PCDHGB2: variants seen among roughly 807,000 people sequenced by gnomAD.
The protein encoded by PCDHGB2 is protocadherin gamma subfamily B, 2.
In PCDHGB2, 55 loss-of-function variants were observed where a neutral mutation model predicts 59.3. The ratio of observed to expected loss-of-function variants is 0.93; its 90% CI spans 0.75 to 1.16. PCDHGB2 has a LOEUF of 1.16. PCDHGB2 is among the 50% of genes most tolerant of loss of function. The probability of loss-of-function intolerance (pLI) is 0.00; values close to 1 mark genes in which losing one functional copy is unlikely to be tolerated. For synonymous variants in PCDHGB2, 516 were observed against 512.0 expected, an observed-to-expected ratio of 1.01 and a Z score of -0.11; for missense variants, 1,228 against 1,198.5, an observed-to-expected ratio of 1.02 and a Z score of -0.36.
chr5:141,429,896 A>G (rs1307950556), intron 1 of PCDHGB2, among the ~76,000 whole-genome samples: 1 of 152,346 alleles, frequency 6.6e-6, no homozygotes, highest in South Asian at 2.1e-4. Flanking sequence ...TGAACAATAA[A>G]TATTTTTGAA....
intron 1 of PCDHGB2, chr5:141,366,088 C>T (rs752144187): frequency 3.1e-6 from 5 of 1,614,256 alleles, no homozygotes; most frequent in Non-Finnish European, 4.2e-6. Context: ...AACCTGGCTA[C>T]CTGGTGACCA....
intron 1 of PCDHGB2, chr5:141,365,072 A>G: frequency 6.2e-7 from 1 of 1,613,904 alleles, no homozygotes; most frequent in Middle Eastern, 1.6e-4. Context: ...ATCCGAGTAC[A>G]GCGTGAGTGT....
Position 141,366,618 on chromosome 5 carries a change from C to T in PCDHGB2, c.2421+4062C>T, listed in dbSNP as rs781279706. Reference sequence around the variant, plus strand: ...CACGAGGTCTCCCTCACCGCGGACTCGAGGAAGAGTCACCTGATCTTTCCC... The same window carrying T: ...CACGAGGTCTCCCTCACCGCGGACTTGAGGAAGAGTCACCTGATCTTTCCC... On this transcript the variant is annotated intron_variant, in intron 1 of 3. Coordinates refer to ENST00000522605, the MANE Select transcript of PCDHGB2 (RefSeq NM_018923.3). 7.4e-6 allele frequency: 12 copies of T among 1,614,114 alleles called. No homozygotes were observed. Among genetic ancestry groups the T allele is most frequent in the Non-Finnish European group, 1.0e-5 (12 of 1,180,056 alleles).
Position 141,485,447 on chromosome 5 carries a change from C to G in PCDHGB2, c.2422-9360C>G, listed in dbSNP as rs1233800346. 6.2e-7 allele frequency: 1 copy of G among 1,614,144 alleles called. No individual in the cohort carries two copies. The highest frequency in any genetic ancestry group is 8.5e-7 in the Non-Finnish European group (1 of 1,180,036). On this transcript the variant is annotated intron_variant, in intron 1 of 3. Transcript: ENST00000522605. This position sits in a 1 kb window ranked among gnomAD's most constrained non-coding sequence, Gnocchi z 5.7. ...CCTGCTCATCAAGAACCCAATCGAC[C>G]GAGAGGCACTGTGTGGGCTCAGTGC... is the stretch of plus-strand genomic sequence containing the variant.
intron 1 of PCDHGB2, chr5:141,423,692 G>T: frequency 7.1e-7 from 1 of 1,405,756 alleles, no homozygotes; most frequent in Non-Finnish European, 9.4e-7. Context: ...CCTAATTGTT[G>T]GTGTCTTGGC....
At chr5:141,403,334 G>T (rs2094392979) in intron 1 of PCDHGB2, 2 of 1,613,972 alleles carry the variant, frequency 1.2e-6, no homozygotes, top group Non-Finnish European at 1.7e-6. Flanking sequence ...TGATATTAAC[G>T]ACAGCGCCCC....
chr5:141,408,249 T>A, intron 1 of PCDHGB2: 1 of 1,589,992 alleles, frequency 6.3e-7, no homozygotes, highest in Non-Finnish European at 8.6e-7. Flanking sequence ...CCGCGGCAGG[T>A]GCTATTTCCT....
intron 3 of PCDHGB2, among the ~76,000 whole-genome samples, chr5:141,506,781 T>C (rs965408564): frequency 1.4e-4 from 22 of 152,168 alleles, no homozygotes; most frequent in African/African-American, 5.3e-4. Context: ...CCTGGGCTTA[T>C]AAGGAGGCTG....
At chr5:141,469,362 G>C (rs915161729) in intron 1 of PCDHGB2, among the ~76,000 whole-genome samples, 14 of 152,084 alleles carry the variant, frequency 9.2e-5, no homozygotes, top group Non-Finnish European at 7.4e-5. Flanking sequence ...GGATCATGAG[G>C]TAAAGAGATC....
chr5:141,409,751 C>T, intron 1 of PCDHGB2: 1 of 1,613,000 alleles, frequency 6.2e-7, no homozygotes, highest in Non-Finnish European at 8.5e-7. Flanking sequence ...GGTGTTCGCG[C>T]AGCGCGCCTT....
intron 1 of PCDHGB2, chr5:141,383,027 C>T (rs752703068): frequency 1.2e-6 from 2 of 1,613,838 alleles, no homozygotes; most frequent in Admixed American, 1.7e-5. Context: ...GACAAAGGGT[C>T]CTTTGTGGGA....
intron 1 of PCDHGB2, chr5:141,408,678 A>G (rs758302984): frequency 2.5e-6 from 4 of 1,613,862 alleles, no homozygotes; most frequent in African/African-American, 1.3e-5. Context: ...CCTGCCACGG[A>G]TCCTGATATA....
At chr5:141,469,743 A>G (rs1166798506) in intron 1 of PCDHGB2, among the ~76,000 whole-genome samples, 1 of 152,252 alleles carries the variant, frequency 6.6e-6, no homozygotes, top group Non-Finnish European at 1.5e-5. Context: ...CACCTCAAAA[A>G]TTACAAAAAT....
intron 3 of PCDHGB2, 46 bp downstream of exon 3, chr5:141,505,527 T>C: frequency 6.2e-7 from 1 of 1,612,388 alleles, no homozygotes; most frequent in Non-Finnish European, 8.5e-7. Context: ...GACCTGGGGT[T>C]CTGGGGTGCA....
Position 141,418,614 on chromosome 5 carries a change from G to A in PCDHGB2, c.2421+56058G>A, listed in dbSNP as rs777074200. ...CAGGACGTGTACAGGGTTAGCCTTC[G>A]GGAAGACGTGCCTCCAGGCACCTCC... is the stretch of plus-strand genomic sequence containing the variant. On this transcript the variant is annotated intron_variant, in intron 1 of 3. Transcript: ENST00000522605. The A allele has an allele frequency of 5.0e-6, 8 of 1,613,876 alleles. No homozygotes were observed. In the East Asian group the frequency reaches 1.1e-4, roughly 22 times the overall value.
rs2099450974 is a variant in PCDHGB2 at position 141,478,361 on chromosome 5, G to A, written c.2422-16446G>A. 6 of 1,613,776 alleles carry A rather than the reference G, an allele frequency of 3.7e-6. No individual in the cohort carries two copies. The East Asian group carries it at 1.3e-4, about 36-fold the overall frequency. ...CTCCTTGCACGCGGACGCCGTGCGGGGAGGCCTGATGTCGCCGCACCTTTA... is the reference window on the plus strand; with the variant it reads ...CTCCTTGCACGCGGACGCCGTGCGGAGAGGCCTGATGTCGCCGCACCTTTA... On this transcript the variant is annotated intron_variant, in intron 1 of 3. Coordinates refer to ENST00000522605, the MANE Select transcript of PCDHGB2 (RefSeq NM_018923.3).
chr5:141,388,541 T>C, intron 1 of PCDHGB2: 1 of 1,613,800 alleles, frequency 6.2e-7, no homozygotes, highest in Non-Finnish European at 8.5e-7. Flanking sequence ...ACTTTGGAGC[T>C]CCACCCCTAA....
chr5:141,399,812 C>T (rs1561672586), intron 1 of PCDHGB2: 1 of 1,613,222 alleles, frequency 6.2e-7, no homozygotes, highest in South Asian at 1.1e-5. Context: ...CTGTACCCCG[C>T]GCTGGGTCCC....
intron 1 of PCDHGB2, among the ~76,000 whole-genome samples, chr5:141,445,582 T>C (rs886701142): frequency 6.6e-6 from 1 of 152,214 alleles, no homozygotes; most frequent in Non-Finnish European, 1.5e-5. Context: ...TAGGGAAGCT[T>C]CGCCTAATCT....
Sources: gnomAD v4.1 joint callset for allele counts (sites outside exome capture counted in the v4.1 genomes callset) on GRCh38, gnomAD v4.1.1 for gene constraint, Gnocchi (gnomAD v3.1) non-coding constraint, MANE v1.5 for transcripts, NCBI Gene and HGNC (gene_info 2026-07-23, HGNC 2026-07-21) for gene names.